Variants in FOXP1 observed in about 807,000 individuals in gnomAD.
FOXP1 encodes the protein forkhead box P1, also known as forkhead box protein P1.
Under a neutral mutation model 98.2 loss-of-function variants are expected in FOXP1, and 15 were observed. The ratio of observed to expected loss-of-function variants is 0.15; its 90% confidence interval spans 0.10 to 0.24. FOXP1 has a LOEUF of 0.24. FOXP1 is among the 10% of genes least tolerant of loss of function. The probability of loss-of-function intolerance (pLI) is 1.00; values close to 1 mark genes in which losing one functional copy is unlikely to be tolerated. For synonymous variants in FOXP1, 371 were observed against 314.5 expected (o/e 1.18, Z -1.90); for missense variants, 633 against 848.5 (o/e 0.75, Z 3.15).
intron 6 of FOXP1, among the ~76,000 whole-genome samples, chr3:71,170,511 C>A (rs1243869438): frequency 6.6e-6 from 1 of 152,128 alleles, no homozygotes; most frequent in African/African-American, 2.4e-5. Context: ...GACAAGTGCA[C>A]ACTAATTAAA....
At chr3:70,982,207 C>T (rs920170897) in intron 14 of FOXP1, among the ~76,000 whole-genome samples, 2 of 152,156 alleles carry the variant, frequency 1.3e-5, no homozygotes, top group African/African-American at 4.8e-5. Flanking sequence ...AACAGAAGAG[C>T]AAATGGGGAA....
At chr3:70,972,524 AG>A in intron 18 of FOXP1, 30 bp downstream of exon 18, 1 of 1,614,054 alleles carries the variant, frequency 6.2e-7, no homozygotes, top group South Asian at 1.1e-5. Context: ...AATCCAAGCT[AG>A]GCTAAGAAGT....
At chr3:71,066,491 A>C (rs1361642665) in intron 7 of FOXP1, among the ~76,000 whole-genome samples, 1 of 152,158 alleles carries the variant, frequency 6.6e-6, no homozygotes. Flanking sequence ...AGGTAGAAGG[A>C]CCTTAAATCT....
intron 7 of FOXP1, among the ~76,000 whole-genome samples, chr3:71,097,170 A>G (rs2056536514): frequency 6.6e-6 from 1 of 152,158 alleles, no homozygotes; most frequent in Admixed American, 6.5e-5. Context: ...TACAGCCCAA[A>G]TCTGGGCTGC....
In FOXP1 at chr3:71,215,528, A is replaced by G. The variant is rs1286479102; in HGVS notation, c.-11-17136T>C. On this transcript the variant is annotated intron_variant, in intron 5 of 20. Coordinates refer to ENST00000649528, the MANE Select transcript of FOXP1 (RefSeq NM_001349338.3). ...GTGTCTTGTATGTAGTAGGTGCTCA[A>G]TAAATCACAGTGATTATTACTAGCT... 5.3e-5 allele frequency among the ~76,000 whole-genome samples: 8 copies of G among 152,358 alleles called. No homozygotes were observed. The South Asian group carries it at 8.3e-4, about 16-fold the overall frequency.
chr3:70,984,105 A>C (rs2039335612), intron 14 of FOXP1, among the ~76,000 whole-genome samples: 1 of 152,238 alleles, frequency 6.6e-6, no homozygotes, highest in Admixed American at 6.5e-5. Flanking sequence ...GGCCATTCTA[A>C]ATGTAAGAAC....
intron 5 of FOXP1, among the ~76,000 whole-genome samples, chr3:71,263,008 G>A (rs929340049): frequency 3.9e-5 from 6 of 152,138 alleles, no homozygotes; most frequent in African/African-American, 1.4e-4. Flanking sequence ...ACCTGAGATA[G>A]GGCTTCTCAC....
chr3:71,232,877 C>CAAAAAAA (rs59404230), intron 5 of FOXP1, among the ~76,000 whole-genome samples: 1,013 of 31,336 alleles, frequency 0.032, 110 homozygotes, highest in African/African-American at 0.097. Flanking sequence ...AACTCTGTCT[C>CAAAAAAA]AAAAAAAAAA....
chr3:71,003,072 C>T (rs559352395), intron 12 of FOXP1, among the ~76,000 whole-genome samples: 1 of 152,304 alleles, frequency 6.6e-6, no homozygotes, highest in South Asian at 2.1e-4. Flanking sequence ...TTGCTAAGAA[C>T]CCAAACGACA....
At chr3:71,487,907 T>C (rs1273679234) in intron 3 of FOXP1, among the ~76,000 whole-genome samples, 3 of 152,342 alleles carry the variant, frequency 2.0e-5, no homozygotes, top group East Asian at 3.9e-4. Context: ...ATAAAACCTA[T>C]ATTCAATTTT....
chr3:71,281,039 C>CCAAA (rs1553816158), intron 5 of FOXP1, among the ~76,000 whole-genome samples: 5 of 83,560 alleles, frequency 6.0e-5, no homozygotes, highest in East Asian at 3.0e-4. Context: ...CCCTTCTCTA[C>CCAAA]AAAAAAAAAA....
chr3:71,426,143 G>A (rs1276063594), intron 3 of FOXP1, among the ~76,000 whole-genome samples: 1 of 152,142 alleles, frequency 6.6e-6, no homozygotes, highest in Non-Finnish European at 1.5e-5. Context: ...CTAGAAAACA[G>A]GGCACTCTGG....
chr3:71,198,102 G>A (rs1252209667), intron 6 of FOXP1, 100 bp downstream of exon 6: 1 of 1,613,644 alleles, frequency 6.2e-7, no homozygotes, highest in Non-Finnish European at 8.5e-7. Context: ...ACAGACAGGT[G>A]AACACAAAAC....
At chr3:71,534,041 T>C (rs544345459) in intron 2 of FOXP1, among the ~76,000 whole-genome samples, 4 of 152,290 alleles carry the variant, frequency 2.6e-5, no homozygotes, top group African/African-American at 9.6e-5. Flanking sequence ...AATCCGTGCA[T>C]ACTCAAGTCC....
At chr3:71,314,049 C>A (rs984054844) in intron 4 of FOXP1, among the ~76,000 whole-genome samples, 2 of 152,148 alleles carry the variant, frequency 1.3e-5, no homozygotes, top group African/African-American at 4.8e-5. Flanking sequence ...AAATGGGCTT[C>A]ATTACAGTGC....
intron 5 of FOXP1, among the ~76,000 whole-genome samples, chr3:71,259,780 G>C (rs1280511238): frequency 6.6e-6 from 1 of 152,160 alleles, no homozygotes; most frequent in African/African-American, 2.4e-5. Flanking sequence ...ACAAGCACTG[G>C]GGAAATACTT....
At chr3:71,414,219 G>A (rs947786303) in intron 3 of FOXP1, among the ~76,000 whole-genome samples, 1 of 152,192 alleles carries the variant, frequency 6.6e-6, no homozygotes, top group African/African-American at 2.4e-5. Flanking sequence ...TCTGCGGAAC[G>A]TGATGGGGAT....
At chr3:71,548,040 GC>G (rs1472678153) in intron 2 of FOXP1, among the ~76,000 whole-genome samples, 59 of 152,298 alleles carry the variant, frequency 3.9e-4, no homozygotes, top group African/African-American at 1.3e-3. Context: ...AGAGGATGAG[GC>G]AATCTGCAGT....
intron 3 of FOXP1, among the ~76,000 whole-genome samples, chr3:71,466,773 T>C (rs952012830): frequency 4.6e-5 from 7 of 152,214 alleles, no homozygotes; most frequent in African/African-American, 1.7e-4. Context: ...CAAAGAGCAC[T>C]GCCTAGGGCA....
Sources: gnomAD v4.1 joint callset for allele counts (sites outside exome capture counted in the v4.1 genomes callset) on GRCh38, gnomAD v4.1.1 for gene constraint, MANE v1.5 for transcripts, NCBI Gene and HGNC (gene_info 2026-07-23, HGNC 2026-07-21) for gene names.